GAB2: variants seen among roughly 807,000 people sequenced by gnomAD.
GAB2 encodes the protein GRB2 associated binding protein 2.
In GAB2, 26 loss-of-function variants were observed where a neutral mutation model predicts 65.5. The observed-to-expected ratio is 0.40, with a 90% confidence interval of 0.29 to 0.55. The LOEUF is 0.55. Among genes scored for constraint, GAB2 ranks in the 20% least tolerant of loss-of-function variants. The pLI, the probability that GAB2 is intolerant of heterozygous loss-of-function variation, is 0.53. For synonymous variants in GAB2, 321 were observed against 329.6 expected, an observed-to-expected ratio of 0.97 and a Z score of 0.28; for missense variants, 884 against 875.8, an observed-to-expected ratio of 1.01 and a Z score of -0.12.
chr11:78,377,316 C>A (rs1339203648), intron 1 of GAB2, among the ~76,000 whole-genome samples: 1 of 152,172 alleles, frequency 6.6e-6, no homozygotes, highest in Non-Finnish European at 1.5e-5. Flanking sequence ...CAGAGGGCTG[C>A]CTTCTTGCTG....
At chr11:78,229,511 C>CT (rs1193706574) in intron 3 of GAB2, among the ~76,000 whole-genome samples, 3 of 152,210 alleles carry the variant, frequency 2.0e-5, no homozygotes, top group Non-Finnish European at 4.4e-5. Flanking sequence ...AACTCTTCTC[C>CT]TCCTGCCTCT....
chr11:78,263,536 G>A (rs1865792025), intron 2 of GAB2, among the ~76,000 whole-genome samples: 2 of 151,708 alleles, frequency 1.3e-5, no homozygotes, highest in Non-Finnish European at 2.9e-5. Flanking sequence ...GGGAGGCTGA[G>A]GCAGGAGAAT....
chr11:78,287,424 C>G (rs991728014), intron 1 of GAB2, among the ~76,000 whole-genome samples: 1 of 152,056 alleles, frequency 6.6e-6, no homozygotes, highest in Non-Finnish European at 1.5e-5. Context: ...ATCACAGGTG[C>G]ATGCCACTAT....
At chr11:78,380,213 C>CT (rs11428219) in intron 1 of GAB2, among the ~76,000 whole-genome samples, 136,119 of 148,832 alleles carry the variant, frequency 0.91, 62,385 homozygotes, top group East Asian at 1. Flanking sequence ...TGAATGAGAA[C>CT]TTTTTTTTTT....
At chr11:78,239,460 C>A (rs898837374) in intron 3 of GAB2, among the ~76,000 whole-genome samples, 1 of 152,116 alleles carries the variant, frequency 6.6e-6, no homozygotes, top group African/African-American at 2.4e-5. Context: ...ACCTCGTGAT[C>A]CACCTGCCTC....
At chr11:78,333,731 C>A (rs1855953592) in intron 1 of GAB2, among the ~76,000 whole-genome samples, 1 of 151,612 alleles carries the variant, frequency 6.6e-6, no homozygotes, top group Non-Finnish European at 1.5e-5. Flanking sequence ...CCCATAGATA[C>A]TTACTGCTGC....
intron 2 of GAB2, among the ~76,000 whole-genome samples, chr11:78,274,113 A>G (rs1450336808): frequency 3.9e-5 from 6 of 152,222 alleles, no homozygotes; most frequent in African/African-American, 1.4e-4. Context: ...TGTCTCTACA[A>G]AATTTAAAAA....
At chr11:78,290,543 T>C (rs993596208) in intron 1 of GAB2, among the ~76,000 whole-genome samples, 1 of 152,178 alleles carries the variant, frequency 6.6e-6, no homozygotes, top group Non-Finnish European at 1.5e-5. Flanking sequence ...CTTCCTCTTA[T>C]TGCTCTTGGC....
At chr11:78,291,934 A>C (rs978193849) in intron 1 of GAB2, among the ~76,000 whole-genome samples, 1 of 152,068 alleles carries the variant, frequency 6.6e-6, no homozygotes, top group Non-Finnish European at 1.5e-5. Flanking sequence ...TCAGATTCTT[A>C]GAACAGAGGG....
At chr11:78,264,869 T>G (rs1005898457) in intron 2 of GAB2, among the ~76,000 whole-genome samples, 1 of 152,168 alleles carries the variant, frequency 6.6e-6, no homozygotes, top group Non-Finnish European at 1.5e-5. Context: ...ATATTTTAGT[T>G]TTCGGGAGAT....
intron 1 of GAB2, among the ~76,000 whole-genome samples, chr11:78,398,060 A>G (rs149839627): frequency 7.2e-6 from 1 of 139,254 alleles, no homozygotes; most frequent in Non-Finnish European, 1.6e-5. Flanking sequence ...CCTATACTCA[A>G]TGTTTTCCTC....
chr11:78,289,814 C>CT (rs56926225), intron 1 of GAB2, among the ~76,000 whole-genome samples: 58,656 of 83,612 alleles, frequency 0.7, 22,396 homozygotes, highest in Non-Finnish European at 0.79. Flanking sequence ...AGAACAGGAC[C>CT]TTTTTTTTTT....
intron 3 of GAB2, among the ~76,000 whole-genome samples, chr11:78,236,448 G>T (rs2134495240): frequency 6.6e-6 from 1 of 152,168 alleles, no homozygotes; most frequent in Non-Finnish European, 1.5e-5. Flanking sequence ...ACCACACCAG[G>T]ACTCTTATTT....
intron 1 of GAB2, among the ~76,000 whole-genome samples, chr11:78,344,187 A>C (rs2134695172): frequency 6.6e-6 from 1 of 152,332 alleles, no homozygotes; most frequent in Non-Finnish European, 1.5e-5. Context: ...GAAAGATTTA[A>C]CTCAGGATTT....
At chr11:78,304,443 C>T (rs1004031096) in intron 1 of GAB2, among the ~76,000 whole-genome samples, 3 of 152,108 alleles carry the variant, frequency 2.0e-5, no homozygotes, top group African/African-American at 4.8e-5. Flanking sequence ...GATAGGCTGA[C>T]TCATTTTTGG....
intron 1 of GAB2, among the ~76,000 whole-genome samples, chr11:78,321,427 T>C (rs1251689859): frequency 1.3e-5 from 2 of 152,202 alleles, no homozygotes; most frequent in Non-Finnish European, 2.9e-5. Context: ...ACCTCTTTAC[T>C]ATAGATTTTA....
intron 1 of GAB2, among the ~76,000 whole-genome samples, chr11:78,318,831 C>T (rs141681717): frequency 2.6e-5 from 4 of 152,260 alleles, no homozygotes; most frequent in African/African-American, 9.6e-5. Flanking sequence ...CAGAAATAAT[C>T]GGAGGCAGCA....
chr11:78,239,619 C>T (rs1865073646), intron 3 of GAB2, among the ~76,000 whole-genome samples: 1 of 152,166 alleles, frequency 6.6e-6, no homozygotes, highest in East Asian at 1.9e-4. Context: ...GGGATGGTCA[C>T]ACAGAGAACA....
chr11:78,377,429 C>A (rs1339363099), intron 1 of GAB2, among the ~76,000 whole-genome samples: 1 of 152,156 alleles, frequency 6.6e-6, no homozygotes, highest in Non-Finnish European at 1.5e-5. Flanking sequence ...ACTCTCATGA[C>A]TCAATTTTCC....
Sources: allele counts gnomAD v4.1 joint callset (sites outside exome capture counted in the v4.1 genomes callset), GRCh38; gene constraint gnomAD v4.1.1; transcripts MANE v1.5; gene names NCBI Gene and HGNC (gene_info 2026-07-23, HGNC 2026-07-21).